CDCA8: variants seen among roughly 807,000 people sequenced by gnomAD.
The protein encoded by CDCA8 is cell division cycle associated 8.
A neutral mutation model predicts 40.0 loss-of-function variants in CDCA8; 25 were observed. That is an observed-to-expected ratio of 0.63 (90% CI 0.46 to 0.87). The LOEUF (loss-of-function observed/expected upper bound fraction) is 0.87, where lower values mean the gene tolerates loss of function less well. Among genes scored for constraint, CDCA8 ranks in the 40% least tolerant of loss-of-function variants. The pLI is 0.00. For missense variants in CDCA8, 280 were observed against 348.4 expected, an observed-to-expected ratio of 0.80 and a Z score of 1.56; for synonymous variants, 111 against 126.5, an observed-to-expected ratio of 0.88 and a Z score of 0.82.
At chr1:37,700,802 T>C (rs1261513483) in intron 5 of CDCA8, among the ~76,000 whole-genome samples, 2 of 152,060 alleles carry the variant, frequency 1.3e-5, no homozygotes, top group African/African-American at 2.4e-5. Context: ...GTATTCAGGA[T>C]AGATGGGGGA....
At position 37,707,050 on chromosome 1, in the gene CDCA8, A is replaced by G. The variant is rs1420323025; in HGVS notation, c.784A>G (p.Ile262Val). The change falls in exon 9 of 10, where the codon ATT becomes GTT. Residue 262 changes from isoleucine (I) to valine (V), a missense_variant. Coordinates refer to ENST00000373055, the MANE Select transcript of CDCA8 (RefSeq NM_001256875.2). ...AQLDPEALGN[I>V]KKLSNRLAQI... ...GCTGGATCCAGAGGCCTTGGGAAAC[A>G]TTAAGAAGCTCTCCGTAAGTCTCAT... 6.2e-7 allele frequency: 1 copy of G among 1,613,982 alleles called. No individual in the cohort carries two copies. The highest frequency in any genetic ancestry group is 8.5e-7 in the Non-Finnish European group (1 of 1,179,800).
At chr1:37,697,291 T>C (rs1557516018) in intron 3 of CDCA8, among the ~76,000 whole-genome samples, 1 of 152,186 alleles carries the variant, frequency 6.6e-6, no homozygotes, top group Non-Finnish European at 1.5e-5. Flanking sequence ...AGTGAAAGTA[T>C]ACAAAGCATT....
At chr1:37,700,401 C>A in intron 4 of CDCA8, 35 bp from the exon 5 acceptor site, 1 of 1,271,706 alleles carries the variant, frequency 7.9e-7, no homozygotes, top group Non-Finnish European at 1.1e-6. Context: ...TTATTTTCAT[C>A]AGAAATACCA....
rs766544018 is a variant in CDCA8 at position 37,703,356 on chromosome 1, C to G, written c.584+9C>G. 1.3e-6 allele frequency: 2 copies of G among 1,591,636 alleles called. No homozygotes were observed. Among genetic ancestry groups the G allele is most frequent in the Middle Eastern group, 1.7e-4 (1 of 6,020 alleles). On this transcript the variant is annotated intron_variant, in intron 7 of 9. Transcript: ENST00000373055. ...CCCAGGTTTGACTCAAGGTGAGTAT[C>G]GAGGGAAACACTTGGATTTGATGGG...
At chr1:37,701,209 G>C (rs75615674) in intron 5 of CDCA8, among the ~76,000 whole-genome samples, 3,744 of 152,288 alleles carry the variant, frequency 0.025, 153 homozygotes, top group African/African-American at 0.085. Context: ...AGATGGTTGT[G>C]CAGGGAGAGC....
chr1:37,701,689 A>AC (rs67680207), intron 5 of CDCA8, 65 bp from the exon 6 acceptor site: 152,495 of 950,612 alleles, frequency 0.16, 8,157 homozygotes, highest in African/African-American at 0.2. Context: ...AAAAAAAAAA[A>AC]CCCTCCTTAC....
At position 37,699,357 on chromosome 1, in the gene CDCA8, A is replaced by T. The variant is rs12089355; in HGVS notation, c.337+380A>T. Reference sequence around the variant, plus strand: ...GAGGTGTTAAAAGACTGGTAACACCAACTGAGACGCTCCCTGATGTAATCA... The same window carrying T: ...GAGGTGTTAAAAGACTGGTAACACCTACTGAGACGCTCCCTGATGTAATCA... On this transcript the variant is annotated intron_variant, in intron 4 of 9. Coordinates refer to ENST00000373055, the MANE Select transcript of CDCA8 (RefSeq NM_001256875.2). Among the ~76,000 whole-genome samples the T allele has an allele frequency of 9.9e-3, 1,515 of 152,358 alleles. 25 individuals carry two copies. The highest frequency in any genetic ancestry group is 0.034 in the African/African-American group (1,434 of 41,578).
chr1:37,701,769 C>T lies in CDCA8; in HGVS notation c.439C>T (p.Pro147Ser), dbSNP rs766351022. ...LQTARVKRCP[P>S]SKKRTQSIQG... ...GTGACTGCAGGTCAAAAGGTGTCCT[C>T]CATCCAAGAAGAGAACTCAGTCCAT... The change falls in exon 6 of 10, where the codon CCA (proline) becomes TCA (serine). Residue 147 changes from proline (P) to serine (S), a missense_variant. Coordinates refer to ENST00000373055, the MANE Select transcript of CDCA8 (RefSeq NM_001256875.2). The T allele has an allele frequency of 8.1e-6, 13 of 1,612,704 alleles. No individual in the cohort carries two copies. In the Admixed American group the frequency reaches 1.8e-4, roughly 23 times the overall value.
rs1436687521 is a variant in CDCA8 at position 37,698,974 on chromosome 1, A to G, written c.334A>G (p.Lys112Glu). 6.2e-7 allele frequency: 1 copy of G among 1,608,090 alleles called. No individual in the cohort carries two copies. The highest frequency in any genetic ancestry group is 1.3e-5 in the African/African-American group (1 of 74,910). ...EAIQTPLKSAKTRKVIQVDEM... is the reference protein window; with the variant it reads ...EAIQTPLKSAETRKVIQVDEM... ...TATTCAGACACCCCTGAAATCTGCC[A>G]AAAGTGAGTACCTTTCAAAACTCCT... The change falls in exon 4 of 10, where the codon AAA becomes GAA. Residue 112 changes from lysine (K) to glutamate (E), a missense_variant. Coordinates refer to ENST00000373055, the MANE Select transcript of CDCA8 (RefSeq NM_001256875.2).
At chr1:37,703,080 GTA>G (rs1557517990) in intron 6 of CDCA8, among the ~76,000 whole-genome samples, 170 bp from the exon 7 acceptor site, 1 of 152,178 alleles carries the variant, frequency 6.6e-6, no homozygotes, top group Non-Finnish European at 1.5e-5. Context: ...CTGCATCTGT[GTA>G]TGAGGATGGC....
chr1:37,706,621 C>T (rs1328622442), intron 8 of CDCA8, among the ~76,000 whole-genome samples: 2 of 152,200 alleles, frequency 1.3e-5, no homozygotes, highest in Admixed American at 6.5e-5. Context: ...ATGAGCTGTG[C>T]CTTCAGCTTT....
intron 2 of CDCA8, among the ~76,000 whole-genome samples, chr1:37,694,799 T>C (rs1171824142): frequency 6.6e-6 from 1 of 152,252 alleles, no homozygotes; most frequent in Non-Finnish European, 1.5e-5. Flanking sequence ...AGATCTTAAC[T>C]GTTTTACAAG....
chr1:37,702,016 T>C (rs1645568135), intron 6 of CDCA8, among the ~76,000 whole-genome samples, 198 bp downstream of exon 6: 1 of 150,342 alleles, frequency 6.7e-6, no homozygotes, highest in Non-Finnish European at 1.5e-5. Context: ...TACTTTAATG[T>C]ACATTCTCTA....
At chr1:37,702,466 A>T (rs1645571830) in intron 6 of CDCA8, among the ~76,000 whole-genome samples, 1 of 152,098 alleles carries the variant, frequency 6.6e-6, no homozygotes, top group Non-Finnish European at 1.5e-5. Context: ...TATGGGCTTG[A>T]GTTGATTATA....
Position 37,708,459 on chromosome 1 carries a change from TC to T in CDCA8, c.*95del. 8.0e-7 allele frequency: 1 copy of T among 1,248,844 alleles called. No individual in the cohort carries two copies. Among genetic ancestry groups the T allele is most frequent in the Non-Finnish European group, 1.2e-6 (1 of 850,984 alleles). 77.4% of individuals were successfully genotyped at this position (1,248,844 alleles called of 1,614,324 possible). ...CAGGCTTATTGTTTGAGTGTGAAGT[TC>T]CAGAGCAAGGAGCCATGTTCCTCTA... On this transcript the variant is annotated 3_prime_UTR_variant, in exon 10 of 10. Transcript: ENST00000373055.
In CDCA8 at chr1:37,700,450, C is replaced by T; in HGVS notation, c.352C>T (p.Gln118Ter). The T allele has an allele frequency of 3.1e-5, 49 of 1,604,564 alleles. No individual in the cohort carries two copies. Among genetic ancestry groups the T allele is most frequent in the Non-Finnish European group, 4.2e-5 (49 of 1,171,698 alleles). The change falls in exon 5 of 10, where the codon CAG (glutamine) becomes TAG (stop). Residue 118 changes from glutamine to a stop codon, truncating the protein, a stop_gained. Coordinates refer to ENST00000373055, the MANE Select transcript of CDCA8 (RefSeq NM_001256875.2). LOFTEE classifies it high-confidence loss of function. ...LKSAKTRKVI[Q>*]VDEMIVEEEE... ...GTTTCTTACAGCACGAAAGGTAATACAGGTAGATGAAATGATAGTGGAAGA... is the reference window on the plus strand; with the variant it reads ...GTTTCTTACAGCACGAAAGGTAATATAGGTAGATGAAATGATAGTGGAAGA...
Position 37,708,679 on chromosome 1 carries a change from C to T in CDCA8, c.*313C>T, listed in dbSNP as rs1261899972. ...GCCTCCTGCAACTCAACATCCTCTT[C>T]ACCCTGCCCTGCCTGCAGTTGAGGG... On this transcript the variant is annotated 3_prime_UTR_variant, in exon 10 of 10. Transcript: ENST00000373055. 3 of 409,846 alleles carry T rather than the reference C, an allele frequency of 7.3e-6. No individual in the cohort carries two copies. The highest frequency in any genetic ancestry group is 1.4e-5 in the Non-Finnish European group (3 of 219,936). The allele number at this position is 409,846 out of a possible 1,614,324, so 25.4% of individuals were successfully genotyped here. A position where few individuals can be genotyped will look rare whatever the true frequency, so the allele number is the denominator to read the frequency against.
rs1557519027 is a variant in CDCA8 at position 37,705,463 on chromosome 1, C to T, written c.607C>T (p.Arg203Cys). The change falls in exon 8 of 10, where the codon CGT (arginine) becomes TGT (cysteine). Residue 203 changes from arginine to cysteine, a missense_variant. Transcript: ENST00000373055. ...TAGGGTCTTCAAGACCCCTGGCCTG[C>T]GTACTCCAGCAGCAGGAGAGCGGAT... Reference protein sequence around the residue: ...DSRVFKTPGLRTPAAGERIYN... With the variant: ...DSRVFKTPGLCTPAAGERIYN... 8.7e-6 allele frequency: 14 copies of T among 1,613,986 alleles called. No individual in the cohort carries two copies. The highest frequency in any genetic ancestry group is 1.2e-5 in the Non-Finnish European group (14 of 1,179,936).
chr1:37,697,888 G>C (rs1265965158), intron 3 of CDCA8, among the ~76,000 whole-genome samples: 1 of 152,256 alleles, frequency 6.6e-6, no homozygotes, highest in East Asian at 1.9e-4. Context: ...CCTTCTCTGA[G>C]TATGTCAAGC....
Sources: allele counts gnomAD v4.1 joint callset (sites outside exome capture counted in the v4.1 genomes callset), GRCh38; gene constraint gnomAD v4.1.1; transcripts MANE v1.5; gene names NCBI Gene and HGNC (gene_info 2026-07-23, HGNC 2026-07-21).